The following CWC22 variants were observed in gnomAD, a reference collection of about 807,000 sequenced individuals.
CWC22 encodes pre-mRNA-splicing factor CWC22 homolog.
In CWC22, 53 loss-of-function variants were observed where a neutral mutation model predicts 117.2. The ratio of observed to expected loss-of-function variants is 0.45; its 90% CI spans 0.36 to 0.57. CWC22 has a LOEUF of 0.57. Among genes scored for constraint, CWC22 ranks in the 20% least tolerant of loss-of-function variants. CWC22 has a pLI of 0.00. For synonymous variants in CWC22, 360 were observed against 355.6 expected (o/e 1.01, Z -0.14); for missense variants, 980 against 1,068.8 (o/e 0.92, Z 1.16).
chr2:179,976,178 C>A (rs981379955), intron 6 of CWC22, among the ~76,000 whole-genome samples: 144 of 152,192 alleles, frequency 9.5e-4, no homozygotes, highest in African/African-American at 3.3e-3. Context: ...ATAAATGGTG[C>A]CAAGAAAACA....
At chr2:179,970,401 C>A in intron 11 of CWC22, 100 bp downstream of exon 11, 2 of 1,170,834 alleles carry the variant, frequency 1.7e-6, no homozygotes, top group Middle Eastern at 3.0e-4. Context: ...AGCAGCGATT[C>A]ATTAGGTGGG....
At chr2:179,988,156 T>C (rs1687468435) in intron 3 of CWC22, among the ~76,000 whole-genome samples, 1 of 152,202 alleles carries the variant, frequency 6.6e-6, no homozygotes. Context: ...ACCTGCTGTG[T>C]GGCCTGGTCC....
At chr2:179,966,330 C>T (rs1412591309) in intron 11 of CWC22, among the ~76,000 whole-genome samples, 1 of 152,166 alleles carries the variant, frequency 6.6e-6, no homozygotes, top group Non-Finnish European at 1.5e-5. Flanking sequence ...AATATTGTTT[C>T]ATCATCAGAA....
chr2:179,958,990 T>TA (rs1328741115), intron 14 of CWC22, 32 bp downstream of exon 14: 9 of 1,383,956 alleles, frequency 6.5e-6, no homozygotes, highest in Non-Finnish European at 9.0e-6. Flanking sequence ...AACCAATATA[T>TA]ACATTTCCTA....
At chr2:179,998,879 C>T (rs372302949) in intron 1 of CWC22, among the ~76,000 whole-genome samples, 9 of 152,238 alleles carry the variant, frequency 5.9e-5, no homozygotes, top group East Asian at 5.8e-4. Context: ...GTCTTACACC[C>T]GGTTCCTCTT....
chr2:179,952,903 C>A (rs1345247412), intron 16 of CWC22, among the ~76,000 whole-genome samples: 2 of 152,024 alleles, frequency 1.3e-5, no homozygotes, highest in African/African-American at 4.8e-5. Flanking sequence ...AGCTCCTAAA[C>A]CTTACTCATC....
At chr2:179,991,419 T>A (rs1432673274) in intron 2 of CWC22, among the ~76,000 whole-genome samples, 1 of 152,160 alleles carries the variant, frequency 6.6e-6, no homozygotes, top group African/African-American at 2.4e-5. Context: ...GTGGACCCAT[T>A]GTGGCTAACA....
At position 179,966,978 on chromosome 2, in the gene CWC22, C is replaced by G. The variant is rs115968403; in HGVS notation, c.1211-996G>C. On this transcript the variant is annotated intron_variant, in intron 11 of 19. Transcript: ENST00000410053. The stretch of plus-strand genomic sequence containing the variant: ...TGAAGAGTAGTCATGCAGCCCTTAT[C>G]TGACATATAAATCTCAAGAATATTT... Among the ~76,000 whole-genome samples, 738 of 152,320 alleles carry G rather than the reference C, an allele frequency of 4.8e-3. 6 individuals carry two copies. The highest frequency in any genetic ancestry group is 0.017 in the African/African-American group (708 of 41,564).
chr2:179,998,453 A>C (rs900384935), intron 1 of CWC22, among the ~76,000 whole-genome samples: 2 of 152,076 alleles, frequency 1.3e-5, no homozygotes, highest in Admixed American at 6.5e-5. Context: ...AGAGAATTCA[A>C]GCAATTTGTC....
At chr2:179,967,755 A>G (rs72960660) in intron 11 of CWC22, among the ~76,000 whole-genome samples, 13,291 of 152,292 alleles carry the variant, frequency 0.087, 699 homozygotes, top group Non-Finnish European at 0.12. Flanking sequence ...ACATATATAC[A>G]ATGGTGACAG....
chr2:179,984,048 T>C (rs1687354362), intron 4 of CWC22, among the ~76,000 whole-genome samples: 1 of 152,120 alleles, frequency 6.6e-6, no homozygotes, highest in Non-Finnish European at 1.5e-5. Context: ...TTCTGCATAA[T>C]ACCTAGCCTG....
chr2:179,991,980 A>C (rs553788628), intron 2 of CWC22, among the ~76,000 whole-genome samples: 1 of 152,302 alleles, frequency 6.6e-6, no homozygotes, highest in South Asian at 2.1e-4. Flanking sequence ...AGGTTGGAAA[A>C]GATTGCAGCA....
chr2:179,967,223 T>C (rs763467351), intron 11 of CWC22, among the ~76,000 whole-genome samples: 25 of 152,258 alleles, frequency 1.6e-4, no homozygotes, highest in Non-Finnish European at 3.1e-4. Context: ...GCTGGGGCCA[T>C]TTTTTTATGC....
rs1687012131 is a variant in CWC22 at position 179,970,743 on chromosome 2, T to C, written c.1054A>G (p.Ile352Val). ...VRKDGFKDHPIILEGLDLVEE... is the reference protein window; with the variant it reads ...VRKDGFKDHPVILEGLDLVEE... The stretch of plus-strand genomic sequence containing the variant: ...ACCAAATCAAGACCTTCTAGGATAA[T>C]GGGGTGGTCCTTGAATCCATCTTTC... Residue 352 changes from isoleucine to valine, a missense_variant, in exon 10 of 20, where the codon ATT becomes GTT. This residue lies in a region of CWC22 where 559 missense variants were observed against 602.3 expected (regional missense o/e 0.93). Coordinates refer to ENST00000410053, the MANE Select transcript of CWC22 (RefSeq NM_020943.3). The C allele has an allele frequency of 5.6e-6, 9 of 1,613,704 alleles. No individual in the cohort carries two copies. In the South Asian group the frequency reaches 6.6e-5, roughly 12 times the overall value.
chr2:179,952,987 A>G (rs147701022), intron 16 of CWC22, among the ~76,000 whole-genome samples: 92 of 152,226 alleles, frequency 6.0e-4, no homozygotes, highest in African/African-American at 2.2e-3. Context: ...TTTAGCACAC[A>G]TAACATACGA....
chr2:179,987,959 G>A (rs999407849), intron 3 of CWC22, among the ~76,000 whole-genome samples: 7 of 152,146 alleles, frequency 4.6e-5, no homozygotes, highest in African/African-American at 1.7e-4. Flanking sequence ...GTGAGGGGAT[G>A]GTTTCAGGAT....
intron 6 of CWC22, among the ~76,000 whole-genome samples, chr2:179,976,163 C>T (rs1687147966): frequency 6.6e-6 from 1 of 152,164 alleles, no homozygotes; most frequent in African/African-American, 2.4e-5. Context: ...AAGACAGTGT[C>T]TTCAATAAAT....
At chr2:179,989,771 T>C (rs1002660884) in intron 2 of CWC22, among the ~76,000 whole-genome samples, 1 of 152,094 alleles carries the variant, frequency 6.6e-6, no homozygotes, top group Admixed American at 6.6e-5. Context: ...CTGGTCAACA[T>C]TCAAATATCG....
chr2:180,001,663 T>C (rs990391768), intron 1 of CWC22, among the ~76,000 whole-genome samples: 4 of 152,214 alleles, frequency 2.6e-5, no homozygotes, highest in African/African-American at 9.6e-5. Flanking sequence ...TCCTACCCAC[T>C]GTAATTCAGC....
Sources: allele counts gnomAD v4.1 joint callset (sites outside exome capture counted in the v4.1 genomes callset), GRCh38; gene constraint gnomAD v4.1.1; regional missense constraint gnomAD v4.1.1; transcripts MANE v1.5; gene names NCBI Gene and HGNC (gene_info 2026-07-23, HGNC 2026-07-21).